Variants in FOXP2 observed in about 807,000 individuals in gnomAD.
The protein encoded by FOXP2 is forkhead box P2, also known as forkhead box protein P2.
FOXP2 carries 12 observed loss-of-function variants against 115.8 expected under a neutral mutation model. That is an observed-to-expected ratio of 0.10 (90% CI 0.07 to 0.17). The LOEUF is 0.17. FOXP2 is among the 10% of genes least tolerant of loss of function. The pLI is 1.00. For missense variants in FOXP2, 629 were observed against 843.5 expected (o/e 0.75, Z 3.15); for synonymous variants, 328 against 297.7 (o/e 1.10, Z -1.05).
chr7:114,279,151 A>G (rs926272284), intron 1 of FOXP2, among the ~76,000 whole-genome samples: 3 of 152,236 alleles, frequency 2.0e-5, no homozygotes, highest in Non-Finnish European at 4.4e-5. Context: ...TTTTTGAAAC[A>G]AATACCATAT....
At chr7:114,591,455 T>C (rs1485410086) in intron 3 of FOXP2, among the ~76,000 whole-genome samples, 2 of 151,960 alleles carry the variant, frequency 1.3e-5, no homozygotes, top group African/African-American at 4.8e-5. Flanking sequence ...TTGAGAAAAA[T>C]TATAATACTT....
chr7:114,447,208 G>A (rs1411559131), intron 2 of FOXP2, among the ~76,000 whole-genome samples: 3 of 151,924 alleles, frequency 2.0e-5, no homozygotes, highest in Non-Finnish European at 4.4e-5. Context: ...GCTTCCCACT[G>A]TCCGAATTGC....
rs564874910 is a variant in FOXP2, at chr7:114,472,289, A to G, written c.168+45610A>G. Among the ~76,000 whole-genome samples the G allele has an allele frequency of 5.9e-5, 9 of 152,088 alleles. No individual in the cohort carries two copies. The South Asian group carries it at 1.7e-3, about 28-fold the overall frequency. ...TAAATAACTTCATATGGGGTATTTT[A>G]TATCAGCTAAATTTATTAAAAGGTG... On this transcript the variant is annotated intron_variant, in intron 2 of 16. Coordinates refer to ENST00000350908, the MANE Select transcript of FOXP2 (RefSeq NM_014491.4).
intron 2 of FOXP2, among the ~76,000 whole-genome samples, chr7:114,439,681 A>G (rs1794513481): frequency 6.6e-6 from 1 of 151,970 alleles, no homozygotes; most frequent in African/African-American, 2.4e-5. Context: ...AGTAGCTAGG[A>G]CTACAGGTGT....
At position 114,693,031 on chromosome 7, in the gene FOXP2, G is replaced by A. The variant is rs1465842615; in HGVS notation, c.*3105G>A. The A allele has an allele frequency of 2.4e-5, 11 of 453,870 alleles. No individual in the cohort carries two copies. The Admixed American group carries it at 2.6e-4, about 11-fold the overall frequency. The allele number at this position is 453,870 out of a possible 1,614,324, so 28.1% of individuals were successfully genotyped here. On this transcript the variant is annotated 3_prime_UTR_variant, in exon 17 of 17. Coordinates refer to ENST00000350908, the MANE Select transcript of FOXP2 (RefSeq NM_014491.4). ...AACTGTCTACCTCTAACACCAGGGA[G>A]TTATCAGATTTTATTTTACATAGTT...
At chr7:114,335,500 TTTATG>T (rs1214569578) in intron 2 of FOXP2, among the ~76,000 whole-genome samples, 1 of 151,904 alleles carries the variant, frequency 6.6e-6, no homozygotes, top group Non-Finnish European at 1.5e-5. Flanking sequence ...AATAGTATAT[TTTATG>T]TTATATTTCA....
At chr7:114,394,215 A>G (rs1195535227) in intron 2 of FOXP2, among the ~76,000 whole-genome samples, 1 of 152,160 alleles carries the variant, frequency 6.6e-6, no homozygotes, top group Non-Finnish European at 1.5e-5. Flanking sequence ...GAAATTAAGG[A>G]AACACTTAAG....
At chr7:114,655,770 G>T (rs1806553727) in intron 10 of FOXP2, among the ~76,000 whole-genome samples, 2 of 152,110 alleles carry the variant, frequency 1.3e-5, no homozygotes, top group Non-Finnish European at 2.9e-5. Flanking sequence ...GTTCATCACT[G>T]CACCCTTAAC....
intron 1 of FOXP2, among the ~76,000 whole-genome samples, chr7:114,283,044 GT>G (rs1796379781): frequency 6.6e-6 from 1 of 152,094 alleles, no homozygotes; most frequent in African/African-American, 2.4e-5. Context: ...TTACCAAACA[GT>G]TAAATTTGTT....
intron 2 of FOXP2, among the ~76,000 whole-genome samples, chr7:114,336,084 TC>T (rs1454482836): frequency 6.6e-6 from 1 of 151,672 alleles, no homozygotes; most frequent in Non-Finnish European, 1.5e-5. Context: ...ATGATGCCCC[TC>T]TAGTGATGTT....
At chr7:114,247,752 G>A (rs1268656720) in intron 1 of FOXP2, among the ~76,000 whole-genome samples, 2 of 152,104 alleles carry the variant, frequency 1.3e-5, no homozygotes, top group Non-Finnish European at 2.9e-5. Flanking sequence ...TGCCAACATC[G>A]CATAGTACCC....
At chr7:114,382,373 C>T (rs1273634708) in intron 2 of FOXP2, among the ~76,000 whole-genome samples, 1 of 152,192 alleles carries the variant, frequency 6.6e-6, no homozygotes, top group South Asian at 2.1e-4. Flanking sequence ...GCTTCTGACT[C>T]AGAGGACCTT....
chr7:114,171,186 A>G (rs940622619), intron 1 of FOXP2, among the ~76,000 whole-genome samples: 3 of 152,198 alleles, frequency 2.0e-5, no homozygotes, highest in African/African-American at 7.2e-5. Context: ...ATGACAGCAC[A>G]TATGTTTCAG....
intron 2 of FOXP2, among the ~76,000 whole-genome samples, chr7:114,372,436 A>G (rs911377162): frequency 2.0e-5 from 3 of 152,212 alleles, no homozygotes; most frequent in African/African-American, 7.2e-5. Flanking sequence ...GAGTAAACAC[A>G]GCATTTCCTG....
chr7:114,344,339 T>C (rs748099788), intron 2 of FOXP2, among the ~76,000 whole-genome samples: 1 of 151,774 alleles, frequency 6.6e-6, no homozygotes, highest in Non-Finnish European at 1.5e-5. Context: ...TTCTTTGTTG[T>C]ACAAAATGAC....
rs869055954 is a variant in FOXP2, at chr7:114,642,779, AATATAT to A, written c.989+185_989+190del. Reference sequence around the variant, plus strand: ...AGATTATTTATCTTATTTTATATATAATATATATATATATATATATATATATATATA... The same window carrying A: ...AGATTATTTATCTTATTTTATATATAATATATATATATATATATATATATA... On this transcript the variant is annotated intron_variant, in intron 7 of 16. Transcript: ENST00000350908. Among the ~76,000 whole-genome samples, 434 of 91,166 alleles carry A rather than the reference AATATAT, an allele frequency of 4.8e-3. 14 individuals are homozygous for A. Among genetic ancestry groups the A allele is most frequent in the African/African-American group, 0.019 (400 of 20,606 alleles). The allele number at this position is 91,166 out of a possible 152,430, so 59.8% of individuals were successfully genotyped here.
At chr7:114,191,456 A>C (rs1793758200) in intron 1 of FOXP2, among the ~76,000 whole-genome samples, 2 of 152,168 alleles carry the variant, frequency 1.3e-5, no homozygotes, top group South Asian at 4.1e-4. Flanking sequence ...GGCAGGAATA[A>C]AAACTTTGAG....
At chr7:114,237,684 C>G (rs767086558) in intron 1 of FOXP2, among the ~76,000 whole-genome samples, 1 of 150,834 alleles carries the variant, frequency 6.6e-6, no homozygotes, top group African/African-American at 2.4e-5. Context: ...TTATTGTATT[C>G]TATTTTAGGC....
intron 2 of FOXP2, among the ~76,000 whole-genome samples, chr7:114,340,925 G>T (rs1222499167): frequency 8.6e-5 from 13 of 150,796 alleles, no homozygotes; most frequent in African/African-American, 3.2e-4. Context: ...TTTTAATTAA[G>T]CCCCCCTACT....
Sources: allele counts gnomAD v4.1 joint callset (sites outside exome capture counted in the v4.1 genomes callset), GRCh38; gene constraint gnomAD v4.1.1; transcripts MANE v1.5; gene names NCBI Gene and HGNC (gene_info 2026-07-23, HGNC 2026-07-21).